The following LTBP3 variants were observed in gnomAD, a reference collection of about 807,000 sequenced individuals.
LTBP3 encodes latent transforming growth factor beta binding protein 3.
LTBP3 carries 97 observed loss-of-function variants against 159.7 expected under a neutral mutation model. The ratio of observed to expected loss-of-function variants is 0.61; its 90% CI spans 0.52 to 0.72. The LOEUF (loss-of-function observed/expected upper bound fraction) is 0.72. LTBP3 is among the 30% of genes least tolerant of loss of function. The pLI is 0.00. For missense variants in LTBP3, 1,584 were observed against 1,864.3 expected, an observed-to-expected ratio of 0.85 and a Z score of 2.77; for synonymous variants, 824 against 777.1, an observed-to-expected ratio of 1.06 and a Z score of -1.00.
chr11:65,546,605 A>G lies in LTBP3; in HGVS notation c.2231-41T>C, dbSNP rs1375110305. 1.3e-6 allele frequency: 2 copies of G among 1,598,132 alleles called. No homozygotes were observed. The highest frequency in any genetic ancestry group is 1.1e-5 in the South Asian group (1 of 90,830). ...CTAGCCTCGGACTCTGCCCCACCGG[A>G]AGGCGGACCGCGCACCTCGCGGGGG... On this transcript the variant is annotated intron_variant, in intron 15 of 27. Coordinates refer to ENST00000301873, the MANE Select transcript of LTBP3 (RefSeq NM_001130144.3). This position sits in a 1 kb window ranked among gnomAD's most constrained non-coding sequence, Gnocchi z 4.0.
rs1450333696 is a variant in LTBP3, at chr11:65,538,972, C to G, written c.*108G>C. 3 of 1,314,966 alleles carry G rather than the reference C, an allele frequency of 2.3e-6. No homozygotes were observed. The highest frequency in any genetic ancestry group is 2.9e-6 in the Non-Finnish European group (3 of 1,033,300). 81.5% of individuals were successfully genotyped at this position (1,314,966 alleles called of 1,614,324 possible). A position where few individuals can be genotyped will look rare whatever the true frequency, so the allele number is the denominator to read the frequency against. On this transcript the variant is annotated 3_prime_UTR_variant, in exon 28 of 28. Coordinates refer to ENST00000301873, the MANE Select transcript of LTBP3 (RefSeq NM_001130144.3). ...CAAGGCGCCGGGAGGGTCTGCGGGC[C>G]CTGAAGGTCCCTGGGTCCGAGCCAC...
rs760607008 is a variant in LTBP3 at position 65,547,880 on chromosome 11, C to A, written c.1846+40G>T. On this transcript the variant is annotated intron_variant, in intron 12 of 27. Coordinates refer to ENST00000301873, the MANE Select transcript of LTBP3 (RefSeq NM_001130144.3). The surrounding 1 kb of genome is among the most constrained non-coding windows in gnomAD (Gnocchi z 4.6). ...GGAAGCGTCGTTATCTGGGGTCCCC[C>A]CCCACCCACCTGCATGCCCGCCGCC... The A allele has an allele frequency of 1.5e-5, 25 of 1,613,238 alleles. No homozygotes were observed. In the South Asian group the frequency reaches 1.8e-4, roughly 11 times the overall value.
chr11:65,553,791 G>A lies in LTBP3; in HGVS notation c.774C>T (p.His258=). 6.4e-7 allele frequency: 1 copy of A among 1,565,760 alleles called. No individual in the cohort carries two copies. ...GCGAGGGCTTGGGGTGCGGCAGCAG[G>A]TGCTGGGAGGGGGCTGCGCTCTCGG... is the stretch of plus-strand genomic sequence containing the variant. ...SNAESAAPSQ[H]LLPHPKPSHP... Residue 258 remains histidine (H), a synonymous_variant, in exon 3 of 28, where the codon CAC becomes CAT. Coordinates refer to ENST00000301873, the MANE Select transcript of LTBP3 (RefSeq NM_001130144.3). This position sits in a 1 kb window ranked among gnomAD's most constrained non-coding sequence, Gnocchi z 6.5.
intron 11 of LTBP3, among the ~76,000 whole-genome samples, 192 bp downstream of exon 11, chr11:65,550,934 G>A (rs1336403808): frequency 6.6e-6 from 1 of 152,228 alleles, no homozygotes; most frequent in Non-Finnish European, 1.5e-5. Context: ...CCCTCAGAAT[G>A]GGCTAACCAC....
At chr11:65,543,366 G>C (rs1856237082) in intron 17 of LTBP3, 61 bp downstream of exon 17, 2 of 1,612,286 alleles carry the variant, frequency 1.2e-6, no homozygotes, top group South Asian at 1.1e-5. Flanking sequence ...CTGGACCCTG[G>C]GGGGTGGGGG....
intron 21 of LTBP3, 103 bp downstream of exon 21, chr11:65,540,768 C>A: frequency 7.5e-7 from 1 of 1,329,702 alleles, no homozygotes; most frequent in Non-Finnish European, 1.0e-6. Context: ...GCGGGCGGGG[C>A]TTACCCGGCG....
Position 65,547,032 on chromosome 11 carries a change from C to T in LTBP3, c.2108-112G>A, listed in dbSNP as rs1305560111. The stretch of plus-strand genomic sequence containing the variant: ...ACACAGATCAACGAGGCTCCCGGAC[C>T]CCAACCTCTGAGAGGCCCAGAGCCG... On this transcript the variant is annotated intron_variant, in intron 14 of 27. Coordinates refer to ENST00000301873, the MANE Select transcript of LTBP3 (RefSeq NM_001130144.3). The surrounding 1 kb of genome is among the most constrained non-coding windows in gnomAD (Gnocchi z 4.6). The T allele has an allele frequency of 1.3e-5, 19 of 1,487,056 alleles. No individual in the cohort carries two copies. Among genetic ancestry groups the T allele is most frequent in the Admixed American group, 1.8e-5 (1 of 55,870 alleles). The allele number at this position is 1,487,056 out of a possible 1,614,324, so 92.1% of individuals were successfully genotyped here.
At position 65,554,166 on chromosome 11, in the gene LTBP3, C is replaced by T. The variant is rs755341379; in HGVS notation, c.546G>A (p.Lys182=). The T allele has an allele frequency of 6.2e-7, 1 of 1,612,032 alleles. No homozygotes were observed. Among genetic ancestry groups the T allele is most frequent in the South Asian group, 1.1e-5 (1 of 91,074 alleles). ...LAPEGDSVAS[K]HAIYAVQVIA... ...TCACCTGGACGGCGTAGATGGCGTG[C>T]TTGCTGGCCACAGAGTCGCCCTCCG... Residue 182 remains lysine, a synonymous_variant, in exon 2 of 28, where the codon AAG becomes AAA. Coordinates refer to ENST00000301873, the MANE Select transcript of LTBP3 (RefSeq NM_001130144.3). This position sits in a 1 kb window ranked among gnomAD's most constrained non-coding sequence, Gnocchi z 5.3.
Position 65,552,168 on chromosome 11 carries a change from G to C in LTBP3, c.1346-11C>G. ...TCTCCTTGAACGCAGCTGCAGTCAAGACAGCAGACACAAAAGTGAGCATTT... is the reference window on the plus strand; with the variant it reads ...TCTCCTTGAACGCAGCTGCAGTCAACACAGCAGACACAAAAGTGAGCATTT... On this transcript the variant is annotated splice_polypyrimidine_tract_variant and intron_variant, in intron 7 of 27. Transcript: ENST00000301873. This position sits in a 1 kb window ranked among gnomAD's most constrained non-coding sequence, Gnocchi z 6.0. 2 of 1,614,160 alleles carry C rather than the reference G, an allele frequency of 1.2e-6. No individual in the cohort carries two copies. Among genetic ancestry groups the C allele is most frequent in the East Asian group, 2.2e-5 (1 of 44,884 alleles).
intron 9 of LTBP3, 36 bp from the exon 10 acceptor site, chr11:65,551,510 C>T: frequency 1.2e-6 from 2 of 1,614,090 alleles, no homozygotes; most frequent in African/African-American, 1.3e-5. Flanking sequence ...TCCTGTCCCT[C>T]GCCTGCCCAC....
chr11:65,557,891 C>G lies in LTBP3; in HGVS notation c.69G>C (p.Leu23=). The change falls in exon 1 of 28, where the codon CTG becomes CTC. Residue 23 remains leucine, a synonymous_variant. Transcript: ENST00000301873. ...PEMRGAGAAG[L]LALLLLLLLL... ...GCAGCAGCAGCAGCAGCAGCGCCAGCAGCCCCGCCGCCCCCGCCCCGCGCA... is the reference window on the plus strand; with the variant it reads ...GCAGCAGCAGCAGCAGCAGCGCCAGGAGCCCCGCCGCCCCCGCCCCGCGCA... The G allele has an allele frequency of 7.7e-7, 1 of 1,290,426 alleles. No individual in the cohort carries two copies. The highest frequency in any genetic ancestry group is 9.9e-7 in the Non-Finnish European group (1 of 1,009,078). The allele number at this position is 1,290,426 out of a possible 1,614,324, so 79.9% of individuals were successfully genotyped here. A position where few individuals can be genotyped will look rare whatever the true frequency, so the allele number is the denominator to read the frequency against.
Position 65,540,339 on chromosome 11 carries a change from C to A in LTBP3, c.3150G>T (p.Val1050=). 1.3e-6 allele frequency: 2 copies of A among 1,584,812 alleles called. No homozygotes were observed. The highest frequency in any genetic ancestry group is 1.7e-6 in the Non-Finnish European group (2 of 1,166,804). ...CLDESNCRNG[V]CENTRGGYRC... is the part of the protein sequence containing the mutation. ...GGTAGCCGCCGCGCGTGTTCTCACA[C>A]ACTCCGTTCCGGCAGTTGGACTCGT... is the stretch of plus-strand genomic sequence containing the variant. Residue 1050 remains valine, a synonymous_variant, in exon 23 of 28, where the codon GTG becomes GTT. Transcript: ENST00000301873.
rs140563368 is a variant in LTBP3, at chr11:65,542,931, AGGATGGAT to A, written c.2596+166_2596+173del. The A allele has an allele frequency of 5.1e-3, 4,175 of 817,686 alleles. 47 individuals are homozygous for A. The highest frequency in any genetic ancestry group is 0.017 in the South Asian group (1,111 of 64,460). The allele number at this position is 817,686 out of a possible 1,614,324, so 50.7% of individuals were successfully genotyped here. ...ATGAATGGAAGGATGGATGGATAGA[AGGATGGAT>A]GGATGGATGGATGGATGGATGGATG... On this transcript the variant is annotated intron_variant, in intron 18 of 27. Transcript: ENST00000301873.
chr11:65,543,332 C>T, intron 17 of LTBP3, 95 bp downstream of exon 17: 2 of 1,611,748 alleles, frequency 1.2e-6, no homozygotes, highest in Non-Finnish European at 1.7e-6. Context: ...CGCCCCTATG[C>T]CCCAACTGAG....
intron 19 of LTBP3, 136 bp downstream of exon 19, chr11:65,541,464 A>C (rs1590762168): frequency 6.7e-7 from 1 of 1,481,658 alleles, no homozygotes; most frequent in Admixed American, 1.7e-5. Flanking sequence ...GTCTGGCCCC[A>C]CCAGACTCCC....
At chr11:65,543,703 G>GTGCCA in intron 16 of LTBP3, 154 bp from the exon 17 acceptor site, 1 of 987,514 alleles carries the variant, frequency 1.0e-6, no homozygotes, top group Non-Finnish European at 1.6e-6. Flanking sequence ...GGCACACAGT[G>GTGCCA]CCCTGACGAC....
chr11:65,546,471 G>T lies in LTBP3; in HGVS notation c.2324C>A (p.Ala775Glu). Residue 775 changes from alanine (A) to glutamate (E), a missense_variant, in exon 16 of 28, where the codon GCG becomes GAG. Physicochemically the swap from Ala to Glu is moderately radical, Grantham distance 107 (BLOSUM62 -1). Transcript: ENST00000301873. This position sits in a 1 kb window ranked among gnomAD's most constrained non-coding sequence, Gnocchi z 4.0. ...GCAACTGCGGCCGTCGGGCGCGGGC[G>T]CGTAGCCCTGGGCACAGGTGCAGCG... ...SFRCTCAQGY[A>E]PAPDGRSCLD... 2 of 1,584,598 alleles carry T rather than the reference G, an allele frequency of 1.3e-6. No individual in the cohort carries two copies. Among genetic ancestry groups the T allele is most frequent in the Non-Finnish European group, 1.7e-6 (2 of 1,172,938 alleles).
intron 11 of LTBP3, among the ~76,000 whole-genome samples, chr11:65,550,443 T>C (rs912231401): frequency 2.0e-5 from 3 of 150,494 alleles, no homozygotes; most frequent in Non-Finnish European, 4.4e-5. Context: ...AAAATAAAAA[T>C]AAAAAAATCA....
At position 65,558,287 on chromosome 11, in the gene LTBP3, CT is replaced by C. The variant is rs1474358070; in HGVS notation, c.-329del. 28 of 889,358 alleles carry C rather than the reference CT, an allele frequency of 3.1e-5. 1 individual carries two copies. The Admixed American group carries it at 1.3e-3, about 42-fold the overall frequency. The allele number at this position is 889,358 out of a possible 1,614,324, so 55.1% of individuals were successfully genotyped here. ...GCCGGGCGGCCGGCCCGCTCCGCGC[CT>C]CCCCCTGGCCGGGCTCCTCTCCCGC... On this transcript the variant is annotated 5_prime_UTR_variant, in exon 1 of 28. Coordinates refer to ENST00000301873, the MANE Select transcript of LTBP3 (RefSeq NM_001130144.3).
Sources: allele counts gnomAD v4.1 joint callset (sites outside exome capture counted in the v4.1 genomes callset), GRCh38; gene constraint gnomAD v4.1.1; non-coding constraint Gnocchi (gnomAD v3.1); transcripts MANE v1.5; gene names NCBI Gene and HGNC (gene_info 2026-07-23, HGNC 2026-07-21).